LUZP2: variants seen among roughly 807,000 people sequenced by gnomAD.
The protein encoded by LUZP2 is leucine zipper protein 2.
In LUZP2, 52 loss-of-function variants were observed where a neutral mutation model predicts 51.6. The ratio of observed to expected loss-of-function variants is 1.01; its 90% CI spans 0.81 to 1.27. The LOEUF is 1.27. Among genes scored for constraint, LUZP2 ranks in the 50% most tolerant of loss-of-function variants. The probability of loss-of-function intolerance (pLI) is 0.00; values close to 1 mark genes in which losing one functional copy is unlikely to be tolerated. For missense variants in LUZP2, 436 were observed against 395.4 expected (o/e 1.10, Z -0.87); for synonymous variants, 154 against 137.3 (o/e 1.12, Z -0.85).
At chr11:25,028,154 C>A (rs1857550179) in intron 9 of LUZP2, among the ~76,000 whole-genome samples, 1 of 152,100 alleles carries the variant, frequency 6.6e-6, no homozygotes, top group Non-Finnish European at 1.5e-5. Context: ...ATAGTCACAT[C>A]AGGGTAAATG....
intron 5 of LUZP2, among the ~76,000 whole-genome samples, chr11:24,855,745 C>T (rs550117079): frequency 6.6e-6 from 1 of 152,196 alleles, no homozygotes; most frequent in South Asian, 2.1e-4. Flanking sequence ...ATTAAAACAG[C>T]ATGGTACTGG....
intron 1 of LUZP2, among the ~76,000 whole-genome samples, chr11:24,540,643 A>G (rs1420742582): frequency 6.6e-6 from 1 of 152,120 alleles, no homozygotes; most frequent in Non-Finnish European, 1.5e-5. Context: ...TGAGCAGACT[A>G]ATATAGCATG....
intron 5 of LUZP2, among the ~76,000 whole-genome samples, chr11:24,840,588 G>A (rs1028969684): frequency 1.3e-5 from 2 of 151,894 alleles, no homozygotes; most frequent in Non-Finnish European, 2.9e-5. Flanking sequence ...CTGCCCTAGA[G>A]ATTCTGATCC....
chr11:24,904,286 T>C (rs2133784608), intron 5 of LUZP2, among the ~76,000 whole-genome samples: 1 of 152,232 alleles, frequency 6.6e-6, no homozygotes, highest in African/African-American at 2.4e-5. Context: ...TCAGATAGTT[T>C]GCCATTTTTT....
At chr11:24,731,954 A>C (rs1858728651) in intron 2 of LUZP2, among the ~76,000 whole-genome samples, 164 bp from the exon 3 acceptor site, 1 of 151,696 alleles carries the variant, frequency 6.6e-6, no homozygotes, top group African/African-American at 2.4e-5. Context: ...GGGTGTCATA[A>C]ATTTCTGTTT....
chr11:24,963,430 T>C (rs926137035), intron 7 of LUZP2, among the ~76,000 whole-genome samples: 22 of 152,298 alleles, frequency 1.4e-4, no homozygotes, highest in Middle Eastern at 3.4e-3. Flanking sequence ...AGTTCGAGCT[T>C]CCCGGCTGCT....
chr11:24,891,349 C>T (rs1852847605), intron 5 of LUZP2: 2 of 882,660 alleles, frequency 2.3e-6, no homozygotes, highest in Admixed American at 6.2e-5. Context: ...TACATACTGA[C>T]ATGTACATAT....
At chr11:24,643,142 C>T (rs555901744) in intron 1 of LUZP2, among the ~76,000 whole-genome samples, 2 of 150,912 alleles carry the variant, frequency 1.3e-5, no homozygotes, top group South Asian at 2.1e-4. Flanking sequence ...GGTGTGGTGG[C>T]TCATGCTTGT....
At chr11:24,849,429 C>G (rs2716525) in intron 5 of LUZP2, among the ~76,000 whole-genome samples, 23,029 of 152,024 alleles carry the variant, frequency 0.15, 1,900 homozygotes, top group African/African-American at 0.2. Context: ...TGGTTTCCAG[C>G]TTAATCCATG....
chr11:24,613,954 A>G lies in LUZP2; in HGVS notation c.63-115215A>G, dbSNP rs183327809. Among the ~76,000 whole-genome samples the G allele has an allele frequency of 1.9e-4, 29 of 152,104 alleles. No individual in the cohort carries two copies. In the East Asian group the frequency reaches 4.8e-3, roughly 25 times the overall value. On this transcript the variant is annotated intron_variant, in intron 1 of 11. Transcript: ENST00000336930. ...GATCCTAATCTACTAGGCACAGTTA[A>G]CCGCCAACTCTTTGGTGTGTGTTCT... is the stretch of plus-strand genomic sequence containing the variant.
chr11:24,741,922 T>G lies in LUZP2; in HGVS notation c.333+3620T>G, dbSNP rs1278048546. Among the ~76,000 whole-genome samples, 41 of 18,016 alleles carry G rather than the reference T, an allele frequency of 2.3e-3. 2 individuals carry two copies. In the East Asian group the frequency reaches 0.12, roughly 53 times the overall value. The allele number at this position is 18,016 out of a possible 152,430, so 11.8% of individuals were successfully genotyped here. A position where few individuals can be genotyped will look rare whatever the true frequency, so the allele number is the denominator to read the frequency against. On this transcript the variant is annotated intron_variant, in intron 4 of 11. Transcript: ENST00000336930. ...ATATATTTCTATATAATATATACATTTATATATTATATATAAATATATACA... is the reference window on the plus strand; with the variant it reads ...ATATATTTCTATATAATATATACATGTATATATTATATATAAATATATACA...
intron 7 of LUZP2, among the ~76,000 whole-genome samples, chr11:24,943,296 A>G (rs1443446621): frequency 6.6e-6 from 1 of 152,228 alleles, no homozygotes; most frequent in African/African-American, 2.4e-5. Context: ...CAAACGTAGC[A>G]GAGAAACAAA....
intron 5 of LUZP2, among the ~76,000 whole-genome samples, chr11:24,805,985 C>T (rs1849845784): frequency 6.6e-6 from 1 of 152,044 alleles, no homozygotes; most frequent in Non-Finnish European, 1.5e-5. Context: ...TGGCAGAAAG[C>T]CTGTTGCAAA....
In LUZP2 at chr11:24,772,822, T is replaced by G. The variant is rs1010637910; in HGVS notation, c.396+9514T>G. 3.9e-5 allele frequency among the ~76,000 whole-genome samples: 6 copies of G among 152,278 alleles called. No individual in the cohort carries two copies. The East Asian group carries it at 9.7e-4, about 25-fold the overall frequency. ...TATCACTCCAATCTCTGCTTCAGTA[T>G]TCGTATGCCTCTATGTGCCTCTTAT... On this transcript the variant is annotated intron_variant, in intron 5 of 11. Coordinates refer to ENST00000336930, the MANE Select transcript of LUZP2 (RefSeq NM_001009909.4).
chr11:24,689,790 T>C (rs1357257571), intron 1 of LUZP2, among the ~76,000 whole-genome samples: 2 of 152,174 alleles, frequency 1.3e-5, no homozygotes, highest in Non-Finnish European at 2.9e-5. Flanking sequence ...CCCAAAACTG[T>C]TCTTTCTTAA....
intron 5 of LUZP2, among the ~76,000 whole-genome samples, chr11:24,851,730 G>A (rs1419557953): frequency 4.6e-5 from 7 of 152,102 alleles, no homozygotes; most frequent in Admixed American, 4.6e-4. Context: ...GAATTTGGCT[G>A]TGAATCCGTC....
chr11:24,752,863 A>AATGAG (rs1859644998), intron 4 of LUZP2, among the ~76,000 whole-genome samples: 1 of 152,144 alleles, frequency 6.6e-6, no homozygotes, highest in African/African-American at 2.4e-5. Context: ...TAATTTTTAA[A>AATGAG]ATGAGACAGA....
chr11:24,635,854 A>C (rs916673326), intron 1 of LUZP2, among the ~76,000 whole-genome samples: 1 of 152,112 alleles, frequency 6.6e-6, no homozygotes, highest in African/African-American at 2.4e-5. Context: ...TTGAAATACA[A>C]GGCCTGCGGT....
Position 24,983,245 on chromosome 11 carries a change from A to T in LUZP2, c.717A>T (p.Pro239=). The T allele has an allele frequency of 1.9e-6, 3 of 1,612,168 alleles. No individual in the cohort carries two copies. The highest frequency in any genetic ancestry group is 2.5e-6 in the Non-Finnish European group (3 of 1,178,794). The part of the protein sequence containing the change: ...ITSNPTRMLL[P]PRNIASKLPD... The stretch of plus-strand genomic sequence containing the variant: ...CAAATCCAACTCGGATGTTACTCCC[A>T]CCCAGGAATATTGCCTCTAAGCTTC... Residue 239 remains proline (P), a synonymous_variant, in exon 9 of 12, where the codon CCA becomes CCT. Transcript: ENST00000336930.
Sources: allele counts gnomAD v4.1 joint callset (sites outside exome capture counted in the v4.1 genomes callset), GRCh38; gene constraint gnomAD v4.1.1; transcripts MANE v1.5; gene names NCBI Gene and HGNC (gene_info 2026-07-23, HGNC 2026-07-21).